The following MAPK14 variants were observed in gnomAD, a reference collection of about 807,000 sequenced individuals.
MAPK14 encodes CSAID-binding protein.
A neutral mutation model predicts 49.6 loss-of-function variants in MAPK14; 16 were observed. The observed-to-expected ratio is 0.32, with a 90% confidence interval of 0.22 to 0.49. The LOEUF is 0.49. Ranked by LOEUF, MAPK14 falls within the 20% of genes least tolerant of loss-of-function variation. The pLI, the probability that MAPK14 is intolerant of heterozygous loss-of-function variation, is 0.99. For synonymous variants in MAPK14, 142 were observed against 158.0 expected, an observed-to-expected ratio of 0.90 and a Z score of 0.76; for missense variants, 200 against 441.2, an observed-to-expected ratio of 0.45 and a Z score of 4.90.
chr6:36,041,889 G>T (rs899586904), intron 1 of MAPK14, among the ~76,000 whole-genome samples: 2 of 152,176 alleles, frequency 1.3e-5, no homozygotes, highest in African/African-American at 4.8e-5. Flanking sequence ...AATAAATTGT[G>T]TATATATGTA....
At chr6:36,093,622 G>C (rs1185367155) in intron 8 of MAPK14, among the ~76,000 whole-genome samples, 1 of 151,548 alleles carries the variant, frequency 6.6e-6, no homozygotes, top group Non-Finnish European at 1.5e-5. Context: ...TGGAGGCTGA[G>C]GCAGGAGAAT....
intron 3 of MAPK14, among the ~76,000 whole-genome samples, chr6:36,067,916 T>C (rs530981896): frequency 1.3e-5 from 2 of 152,114 alleles, no homozygotes; most frequent in Non-Finnish European, 2.9e-5. Context: ...AAAATAACCC[T>C]GTCCTCCACG....
chr6:36,070,013 G>A (rs1271748817), intron 3 of MAPK14, among the ~76,000 whole-genome samples: 3 of 152,092 alleles, frequency 2.0e-5, no homozygotes, highest in East Asian at 1.9e-4. Context: ...TTATATGACC[G>A]AAATTAGATT....
intron 8 of MAPK14, among the ~76,000 whole-genome samples, chr6:36,083,917 G>A (rs944378755): frequency 1.3e-5 from 2 of 152,050 alleles, no homozygotes; most frequent in African/African-American, 2.4e-5. Context: ...AACAGGGGTC[G>A]CCAGACACCT....
rs1216692242 is a variant in MAPK14, at chr6:36,028,140, G to C, written c.-18G>C. 3.1e-6 allele frequency: 5 copies of C among 1,591,786 alleles called. No homozygotes were observed. Among genetic ancestry groups the C allele is most frequent in the Non-Finnish European group, 4.3e-6 (5 of 1,161,554 alleles). On this transcript the variant is annotated 5_prime_UTR_variant, in exon 1 of 12. Transcript: ENST00000229794. The surrounding 1 kb of genome is among the most constrained non-coding windows in gnomAD (Gnocchi z 5.1). ...GCCCCACAGGGCCACCTTCTTGCCC[G>C]GCGGCTGCCGCTGGAAAATGTCTCA... is the stretch of plus-strand genomic sequence containing the variant.
At chr6:36,057,611 C>T (rs951296712) in intron 2 of MAPK14, among the ~76,000 whole-genome samples, 3 of 151,780 alleles carry the variant, frequency 2.0e-5, no homozygotes, top group Admixed American at 6.6e-5. Flanking sequence ...CCCAGCTACT[C>T]GGGAGGCTGA....
In MAPK14 at chr6:36,028,244, A is replaced by G. The variant is rs542608572; in HGVS notation, c.87A>G (p.Pro29=). 16 of 1,613,572 alleles carry G rather than the reference A, an allele frequency of 9.9e-6. No homozygotes were observed. In the Admixed American group the frequency reaches 2.0e-4, roughly 20 times the overall value. The change falls in exon 1 of 12, where the codon CCA becomes CCG. Residue 29 remains proline, a synonymous_variant. Coordinates refer to ENST00000229794, the MANE Select transcript of MAPK14 (RefSeq NM_139012.3). The surrounding 1 kb of genome is among the most constrained non-coding windows in gnomAD (Gnocchi z 5.1). ...EVPERYQNLS[P]VGSGAYGSVC... The stretch of plus-strand genomic sequence containing the variant: ...CCGAGCGTTACCAGAACCTGTCTCC[A>G]GTGGGCTCTGGCGCCTATGGCTCTG...
chr6:36,120,362 A>G, the MAPK14 span, among the ~76,000 whole-genome samples: 1 of 152,246 alleles, frequency 6.6e-6, no homozygotes, highest in Admixed American at 6.5e-5. Context: ...TTCTGCCTTG[A>G]CAAGGACCTT....
At chr6:36,045,766 G>A (rs1343627266) in intron 1 of MAPK14, among the ~76,000 whole-genome samples, 2 of 133,788 alleles carry the variant, frequency 1.5e-5, no homozygotes, top group African/African-American at 5.7e-5. Flanking sequence ...CCGAGATCGC[G>A]CCACTGCACT....
intron 3 of MAPK14, among the ~76,000 whole-genome samples, chr6:36,071,865 T>A (rs1021494961): frequency 7.2e-5 from 11 of 152,180 alleles, no homozygotes; most frequent in African/African-American, 2.2e-4. Flanking sequence ...TGTTTTTGTT[T>A]TCTTTTCTCT....
chr6:36,117,365 G>C, the MAPK14 span, among the ~76,000 whole-genome samples: 6 of 152,186 alleles, frequency 3.9e-5, no homozygotes, highest in African/African-American at 1.2e-4. Context: ...TTTCTCTCCT[G>C]GTCTTTGTGC....
chr6:36,115,770 G>A (rs1474250621), downstream of MAPK14, among the ~76,000 whole-genome samples: 1 of 151,916 alleles, frequency 6.6e-6, no homozygotes, highest in African/African-American at 2.4e-5. Flanking sequence ...ATTAGTACAA[G>A]ATAGAAAAAT....
chr6:36,057,179 G>T (rs1028520322), intron 2 of MAPK14, among the ~76,000 whole-genome samples: 29 of 152,048 alleles, frequency 1.9e-4, no homozygotes, highest in African/African-American at 7.0e-4. Context: ...TATTTTTCTT[G>T]CAGTATTCCT....
At chr6:36,106,781 A>G (rs2127476224) in intron 10 of MAPK14, among the ~76,000 whole-genome samples, 1 of 152,278 alleles carries the variant, frequency 6.6e-6, no homozygotes, top group Admixed American at 6.5e-5. Flanking sequence ...TGAAATTTTT[A>G]AAAATAAAAT....
chr6:36,059,357 T>C lies in MAPK14; in HGVS notation c.305+10T>C, dbSNP rs201919236. The C allele has an allele frequency of 1.9e-6, 3 of 1,604,632 alleles. No individual in the cohort carries two copies. Among genetic ancestry groups the C allele is most frequent in the Non-Finnish European group, 2.6e-6 (3 of 1,171,740 alleles). Reference sequence around the variant, plus strand: ...AGGAATTCAATGATGTGTGAGTAAATTTTTTGCATTTGCCTTCCTGGTCTA... The same window carrying C: ...AGGAATTCAATGATGTGTGAGTAAACTTTTTGCATTTGCCTTCCTGGTCTA... On this transcript the variant is annotated intron_variant, in intron 3 of 11. Coordinates refer to ENST00000229794, the MANE Select transcript of MAPK14 (RefSeq NM_139012.3).
chr6:36,046,000 A>G (rs1763164977), intron 1 of MAPK14, among the ~76,000 whole-genome samples: 1 of 152,156 alleles, frequency 6.6e-6, no homozygotes, highest in African/African-American at 2.4e-5. Context: ...GTTAAACAGA[A>G]TTATATTAGG....
At chr6:36,029,025 G>A (rs1453626030) in intron 1 of MAPK14, 2 of 151,796 alleles carry the variant, frequency 1.3e-5, no homozygotes, top group Non-Finnish European at 2.9e-5. Flanking sequence ...TTGAGAAACT[G>A]GCAGGCTCAC....
Position 36,107,680 on chromosome 6 carries a change from G to A in MAPK14, c.1015+52G>A. ...CTTGAACCACTAACCAAAAGCGGTG[G>A]GAAAAATAAAAACTGAATGGTCATA... is the stretch of plus-strand genomic sequence containing the variant. On this transcript the variant is annotated intron_variant, in intron 11 of 11. Transcript: ENST00000229794. This position sits in a 1 kb window ranked among gnomAD's most constrained non-coding sequence, Gnocchi z 4.3. 7.2e-7 allele frequency: 1 copy of A among 1,386,326 alleles called. No individual in the cohort carries two copies. Among genetic ancestry groups the A allele is most frequent in the Non-Finnish European group, 9.6e-7 (1 of 1,039,014 alleles). The allele number at this position is 1,386,326 out of a possible 1,614,324, so 85.9% of individuals were successfully genotyped here. A position where few individuals can be genotyped will look rare whatever the true frequency, so the allele number is the denominator to read the frequency against.
At chr6:36,034,397 T>G (rs1259860898) in intron 1 of MAPK14, among the ~76,000 whole-genome samples, 1 of 152,236 alleles carries the variant, frequency 6.6e-6, no homozygotes, top group Non-Finnish European at 1.5e-5. Context: ...TTGTGTTACA[T>G]AAGTATAGGA....
Sources: allele counts gnomAD v4.1 joint callset (sites outside exome capture counted in the v4.1 genomes callset), GRCh38; gene constraint gnomAD v4.1.1; non-coding constraint Gnocchi (gnomAD v3.1); transcripts MANE v1.5; gene names NCBI Gene and HGNC (gene_info 2026-07-23, HGNC 2026-07-21).